TMEM106B: variants seen among roughly 807,000 people sequenced by gnomAD.
TMEM106B encodes transmembrane protein 106B.
In TMEM106B, 15 loss-of-function variants were observed where a neutral mutation model predicts 31.1. That is an observed-to-expected ratio of 0.48 (90% CI 0.32 to 0.74). The LOEUF is 0.74. TMEM106B is among the 30% of genes least tolerant of loss of function. The pLI is 0.03. For missense variants in TMEM106B, 283 were observed against 327.3 expected (o/e 0.86, Z 1.04); for synonymous variants, 126 against 112.5 (o/e 1.12, Z -0.76).
In TMEM106B at chr7:12,214,869, G is replaced by T; in HGVS notation, c.59G>T (p.Gly20Val). ...LHSSKEDAYDGVTSENMRNGL... is the reference protein window; with the variant it reads ...LHSSKEDAYDVVTSENMRNGL... The stretch of plus-strand genomic sequence containing the variant: ...TCAAGCAAAGAAGATGCTTATGATG[G>T]AGTCACATCTGAAAACATGAGGAAT... Residue 20 changes from glycine to valine, a missense_variant, in exon 2 of 8, where the codon GGA becomes GTA. Physicochemically the swap from Gly to Val is moderately radical, Grantham distance 109 (BLOSUM62 -3). Coordinates refer to ENST00000396668, the MANE Select transcript of TMEM106B (RefSeq NM_001134232.2). The T allele has an allele frequency of 6.2e-7, 1 of 1,613,904 alleles. No individual in the cohort carries two copies. Among genetic ancestry groups the T allele is most frequent in the Non-Finnish European group, 8.5e-7 (1 of 1,179,908 alleles).
In TMEM106B at chr7:12,218,498, T is replaced by A. The variant is rs763299613; in HGVS notation, c.258T>A (p.Asp86Glu). The A allele has an allele frequency of 6.2e-7, 1 of 1,612,518 alleles. No homozygotes were observed. Among genetic ancestry groups the A allele is most frequent in the Non-Finnish European group, 8.5e-7 (1 of 1,179,168 alleles). The change falls in exon 3 of 8, where the codon GAT (aspartate) becomes GAA (glutamate). Residue 86 changes from aspartate (D) to glutamate (E), a missense_variant. Asp to Glu is a conservative substitution (Grantham distance 45). Transcript: ENST00000396668. Reference protein sequence around the residue: ...NQLVALIPYSDQRLRPRRTKL... With the variant: ...NQLVALIPYSEQRLRPRRTKL... ...TGGTGGCATTGATTCCATATAGTGA[T>A]CAGAGATTAAGGCCAAGAAGAACGT... is the stretch of plus-strand genomic sequence containing the variant.
rs1361555549 is a variant in TMEM106B, at chr7:12,241,475, C to T, written c.*9500C>T. 2 of 152,144 alleles carry T rather than the reference C, an allele frequency of 1.3e-5. No homozygotes were observed. The highest frequency in any genetic ancestry group is 2.9e-5 in the Non-Finnish European group (2 of 68,060). The allele number at this position is 152,144 out of a possible 1,614,324, so 9.4% of individuals were successfully genotyped here. A position where few individuals can be genotyped will look rare whatever the true frequency, so the allele number is the denominator to read the frequency against. ...GTCCATCTGTTCTCATTGTTCAACT[C>T]CCACTTATGAGTGGCAACATGTGCT... On this transcript the variant is annotated 3_prime_UTR_variant, in exon 8 of 8. Transcript: ENST00000396668.
At chr7:12,220,678 A>T in intron 3 of TMEM106B, among the ~76,000 whole-genome samples, 1 of 152,188 alleles carries the variant, frequency 6.6e-6, no homozygotes, top group Non-Finnish European at 1.5e-5. Flanking sequence ...AGTGAATGAA[A>T]ATTTGGCATT....
At chr7:12,226,781 T>C (rs1781910199) in intron 4 of TMEM106B, among the ~76,000 whole-genome samples, 1 of 152,104 alleles carries the variant, frequency 6.6e-6, no homozygotes, top group Non-Finnish European at 1.5e-5. Flanking sequence ...AAAACAACAA[T>C]ATAGGAAAAT....
At chr7:12,228,228 C>G (rs1161118639) in intron 4 of TMEM106B, among the ~76,000 whole-genome samples, 1 of 151,696 alleles carries the variant, frequency 6.6e-6, no homozygotes, top group Non-Finnish European at 1.5e-5. Context: ...CTGACTCTAG[C>G]ATATTCTTTC....
Position 12,231,379 on chromosome 7 carries a change from C to A in TMEM106B, c.686+264C>A, listed in dbSNP as rs760144321. 1.3e-3 allele frequency: 453 copies of A among 349,568 alleles called. 1 individual carries two copies. The highest frequency in any genetic ancestry group is 1.9e-3 in the Non-Finnish European group (370 of 195,430). The allele number at this position is 349,568 out of a possible 1,614,324, so 21.7% of individuals were successfully genotyped here. A position where few individuals can be genotyped will look rare whatever the true frequency, so the allele number is the denominator to read the frequency against. ...ATGGAAAGGATACAGGGAACTGAGC[C>A]CCACATCCAATTCCTTACTCCCTTG... On this transcript the variant is annotated intron_variant, in intron 7 of 7. Transcript: ENST00000396668.
intron 2 of TMEM106B, among the ~76,000 whole-genome samples, chr7:12,217,733 G>A (rs73301035): frequency 0.13 from 19,193 of 152,058 alleles, 1,365 homozygotes; most frequent in African/African-American, 0.19. Flanking sequence ...TAGATGTGTC[G>A]GGGGAAATAA....
intron 4 of TMEM106B, among the ~76,000 whole-genome samples, chr7:12,226,772 AAAC>A (rs1781909418): frequency 6.6e-6 from 1 of 152,158 alleles, no homozygotes; most frequent in Admixed American, 6.6e-5. Context: ...TTTTCTTTAA[AAAC>A]AACAATATAG....
intron 4 of TMEM106B, among the ~76,000 whole-genome samples, chr7:12,226,706 C>T (rs556481362): frequency 1.6e-4 from 24 of 151,940 alleles, no homozygotes; most frequent in African/African-American, 5.8e-4. Context: ...AAAAATGGAT[C>T]CCGTGGATCC....
rs1660984155 is a variant in TMEM106B, at chr7:12,232,077, T to G, written c.*102T>G. 1 of 1,134,560 alleles carries G rather than the reference T, an allele frequency of 8.8e-7. No homozygotes were observed. Among genetic ancestry groups the G allele is most frequent in the Non-Finnish European group, 1.2e-6 (1 of 817,746 alleles). The allele number at this position is 1,134,560 out of a possible 1,614,324, so 70.3% of individuals were successfully genotyped here. ...TAGGAGACCTTAAATTGAACAAACCTAAAGTTTACACTTCTAAGAGTACAG... is the reference window on the plus strand; with the variant it reads ...TAGGAGACCTTAAATTGAACAAACCGAAAGTTTACACTTCTAAGAGTACAG... On this transcript the variant is annotated 3_prime_UTR_variant, in exon 8 of 8. Transcript: ENST00000396668.
At chr7:12,217,356 C>A (rs770129717) in intron 2 of TMEM106B, among the ~76,000 whole-genome samples, 3 of 151,894 alleles carry the variant, frequency 2.0e-5, no homozygotes, top group African/African-American at 7.3e-5. Flanking sequence ...ATGAGGATAG[C>A]GAAGAAGATA....
chr7:12,223,983 T>C (rs955266609), intron 3 of TMEM106B, among the ~76,000 whole-genome samples: 1 of 152,082 alleles, frequency 6.6e-6, no homozygotes, highest in Non-Finnish European at 1.5e-5. Flanking sequence ...CCTCTCAAAG[T>C]GCTGGGATTA....
rs1782037259 is a variant in TMEM106B, at chr7:12,232,068, G to A, written c.*93G>A. On this transcript the variant is annotated 3_prime_UTR_variant, in exon 8 of 8. Transcript: ENST00000396668. ...ATTTCCTAATAGGAGACCTTAAATTGAACAAACCTAAAGTTTACACTTCTA... is the reference window on the plus strand; with the variant it reads ...ATTTCCTAATAGGAGACCTTAAATTAAACAAACCTAAAGTTTACACTTCTA... 2.4e-6 allele frequency: 3 copies of A among 1,265,020 alleles called. No individual in the cohort carries two copies. The highest frequency in any genetic ancestry group is 3.2e-6 in the Non-Finnish European group (3 of 928,262). The allele number at this position is 1,265,020 out of a possible 1,614,324, so 78.4% of individuals were successfully genotyped here.
Position 12,242,521 on chromosome 7 carries a change from C to T in TMEM106B, c.*10546C>T, listed in dbSNP as rs1782252135. 1 of 151,786 alleles carries T rather than the reference C, an allele frequency of 6.6e-6. No individual in the cohort carries two copies. The highest frequency in any genetic ancestry group is 2.4e-5 in the African/African-American group (1 of 41,352). 9.4% of individuals were successfully genotyped at this position (151,786 alleles called of 1,614,324 possible). ...AGACCACACTGATATCTGTAACAAC[C>T]TATGTAAAGTTAAGATTAAGGTTAA... On this transcript the variant is annotated 3_prime_UTR_variant, in exon 8 of 8. Transcript: ENST00000396668.
intron 1 of TMEM106B, among the ~76,000 whole-genome samples, chr7:12,214,584 A>T (rs1229958335): frequency 6.6e-6 from 1 of 152,100 alleles, no homozygotes; most frequent in Non-Finnish European, 1.5e-5. Context: ...AAAATGTATA[A>T]TCAAGCTGTA....
At chr7:12,220,675 G>T (rs774579807) in intron 3 of TMEM106B, among the ~76,000 whole-genome samples, 7 of 152,168 alleles carry the variant, frequency 4.6e-5, no homozygotes, top group Non-Finnish European at 1.0e-4. Flanking sequence ...GCTAGTGAAT[G>T]AAAATTTGGC....
rs934101405 is a variant in TMEM106B at position 12,232,218 on chromosome 7, A to G, written c.*243A>G. The stretch of plus-strand genomic sequence containing the variant: ...ACTGGTTGATTTCCTTCTCCAGCCT[A>G]TCCCCTACAGGGAAAAGCTGATACT... On this transcript the variant is annotated 3_prime_UTR_variant, in exon 8 of 8. Coordinates refer to ENST00000396668, the MANE Select transcript of TMEM106B (RefSeq NM_001134232.2). 7 of 297,382 alleles carry G rather than the reference A, an allele frequency of 2.4e-5. No individual in the cohort carries two copies. The highest frequency in any genetic ancestry group is 1.0e-4 in the East Asian group (2 of 19,168). 18.4% of individuals were successfully genotyped at this position (297,382 alleles called of 1,614,324 possible). A position where few individuals can be genotyped will look rare whatever the true frequency, so the allele number is the denominator to read the frequency against.
rs201043315 is a variant in TMEM106B at position 12,224,289 on chromosome 7, C to G, written c.345C>G (p.Phe115Leu). The change falls in exon 4 of 8, where the codon TTC becomes TTG. Residue 115 changes from phenylalanine to leucine, a missense_variant. Phe to Leu is a conservative substitution (Grantham distance 22). Transcript: ENST00000396668. ...TCCTTTCTGGATTGGCTGTGTTTTT[C>G]CTTTTCCCTCGCTCTATCGACGTGA... The part of the protein sequence containing the change: ...CLLLSGLAVF[F>L]LFPRSIDVKY... 4.3e-6 allele frequency: 7 copies of G among 1,613,926 alleles called. No individual in the cohort carries two copies. In the Admixed American group the frequency reaches 8.3e-5, roughly 19 times the overall value.
At position 12,243,265 on chromosome 7, in the gene TMEM106B, T is replaced by C. The variant is rs1398469198; in HGVS notation, c.*11290T>C. Reference sequence around the variant, plus strand: ...ACATTTTAATGTATGAAGAAGATTGTATGAACGATCACATTAATTCATTTA... The same window carrying C: ...ACATTTTAATGTATGAAGAAGATTGCATGAACGATCACATTAATTCATTTA... On this transcript the variant is annotated 3_prime_UTR_variant, in exon 8 of 8. Coordinates refer to ENST00000396668, the MANE Select transcript of TMEM106B (RefSeq NM_001134232.2). The C allele has an allele frequency of 6.6e-6, 1 of 152,118 alleles. No homozygotes were observed. Among genetic ancestry groups the C allele is most frequent in the Non-Finnish European group, 1.5e-5 (1 of 67,986 alleles). 9.4% of individuals were successfully genotyped at this position (152,118 alleles called of 1,614,324 possible). A position where few individuals can be genotyped will look rare whatever the true frequency, so the allele number is the denominator to read the frequency against.
Sources: allele counts gnomAD v4.1 joint callset (sites outside exome capture counted in the v4.1 genomes callset), GRCh38; gene constraint gnomAD v4.1.1; transcripts MANE v1.5; gene names NCBI Gene and HGNC (gene_info 2026-07-23, HGNC 2026-07-21).